CTNNA3: variants seen among roughly 807,000 people sequenced by gnomAD.
CTNNA3 encodes the protein catenin alpha 3, also known as catenin alpha-3.
Under a neutral mutation model 95.7 loss-of-function variants are expected in CTNNA3, and 76 were observed. That is an observed-to-expected ratio of 0.79 (90% CI 0.66 to 0.96). The LOEUF (loss-of-function observed/expected upper bound fraction) is 0.96. CTNNA3 is among the 40% of genes least tolerant of loss of function. The pLI, the probability that CTNNA3 is intolerant of heterozygous loss-of-function variation, is 0.00. For synonymous variants in CTNNA3, 431 were observed against 374.4 expected (o/e 1.15, Z -1.74); for missense variants, 1,191 against 1,089.8 (o/e 1.09, Z -1.31).
intron 15 of CTNNA3, among the ~76,000 whole-genome samples, chr10:66,056,381 C>A (rs2080088244): frequency 6.6e-6 from 1 of 151,920 alleles, no homozygotes; most frequent in Non-Finnish European, 1.5e-5. Flanking sequence ...GGAATGAATC[C>A]CTCTCAATGA....
At chr10:66,893,167 T>C (rs1429384019) in intron 7 of CTNNA3, among the ~76,000 whole-genome samples, 1 of 152,108 alleles carries the variant, frequency 6.6e-6, no homozygotes, top group Non-Finnish European at 1.5e-5. Flanking sequence ...GGTCCGTGCA[T>C]GCAGTTCTCT....
chr10:67,239,103 C>T (rs1318702701), intron 5 of CTNNA3, among the ~76,000 whole-genome samples: 1 of 152,156 alleles, frequency 6.6e-6, no homozygotes, highest in Non-Finnish European at 1.5e-5. Flanking sequence ...TAAACTATAA[C>T]TATCTTCACA....
chr10:66,612,650 C>G (rs1844367509), intron 10 of CTNNA3, among the ~76,000 whole-genome samples: 1 of 152,086 alleles, frequency 6.6e-6, no homozygotes, highest in Non-Finnish European at 1.5e-5. Context: ...GTGACTGTAT[C>G]ACACAACAAA....
chr10:67,671,172 G>A (rs1449431104), intron 1 of CTNNA3, among the ~76,000 whole-genome samples: 2 of 151,962 alleles, frequency 1.3e-5, no homozygotes, highest in Non-Finnish European at 2.9e-5. Flanking sequence ...CCAATGAGAC[G>A]GTAAAGCTTT....
chr10:65,988,901 G>T (rs746818582), intron 15 of CTNNA3, 104 bp from the exon 16 acceptor site: 75 of 716,224 alleles, frequency 1.0e-4, no homozygotes, highest in Non-Finnish European at 1.6e-4. Flanking sequence ...CCATCCATCC[G>T]CATATGTAAA....
chr10:66,672,602 T>A (rs1846703870), intron 9 of CTNNA3, among the ~76,000 whole-genome samples: 1 of 152,106 alleles, frequency 6.6e-6, no homozygotes, highest in South Asian at 2.1e-4. Flanking sequence ...AGGAAAGCTA[T>A]GGAAAAATAA....
intron 17 of CTNNA3, among the ~76,000 whole-genome samples, chr10:65,944,463 G>C (rs533081898): frequency 6.6e-6 from 1 of 152,200 alleles, no homozygotes; most frequent in African/African-American, 2.4e-5. Flanking sequence ...ACTGAAGATT[G>C]CTCTTCCTTC....
At chr10:66,114,538 T>G (rs1446258077) in intron 13 of CTNNA3, among the ~76,000 whole-genome samples, 2 of 151,742 alleles carry the variant, frequency 1.3e-5, no homozygotes, top group Admixed American at 6.6e-5. Context: ...TATTTAAAAC[T>G]CATATTGTCC....
At chr10:66,412,710 C>T (rs1004014975) in intron 11 of CTNNA3, among the ~76,000 whole-genome samples, 13 of 151,986 alleles carry the variant, frequency 8.6e-5, no homozygotes, top group East Asian at 1.9e-4. Context: ...CTGCCCGCTT[C>T]GGCCTCCCAA....
chr10:67,373,738 T>A (rs1385297423), intron 5 of CTNNA3, among the ~76,000 whole-genome samples: 1 of 152,224 alleles, frequency 6.6e-6, no homozygotes, highest in Non-Finnish European at 1.5e-5. Flanking sequence ...GAATCTATAT[T>A]TATGTTTTCT....
At chr10:66,088,265 A>G (rs1451376845) in intron 14 of CTNNA3, among the ~76,000 whole-genome samples, 5 of 152,034 alleles carry the variant, frequency 3.3e-5, no homozygotes, top group Admixed American at 6.6e-5. Flanking sequence ...GGCTACATAT[A>G]TATGTGTCAT....
intron 10 of CTNNA3, among the ~76,000 whole-genome samples, chr10:66,576,129 G>T (rs892541238): frequency 2.0e-5 from 3 of 152,004 alleles, no homozygotes; most frequent in Admixed American, 6.6e-5. Flanking sequence ...CACAGATGGT[G>T]GCATTAATAA....
chr10:67,305,526 T>C (rs1398002541), intron 5 of CTNNA3, among the ~76,000 whole-genome samples: 2 of 152,050 alleles, frequency 1.3e-5, no homozygotes, highest in African/African-American at 2.4e-5. Flanking sequence ...TAGAGAATCA[T>C]GGAAGAATTT....
chr10:66,286,468 A>T (rs2091590653), intron 12 of CTNNA3, among the ~76,000 whole-genome samples: 1 of 148,838 alleles, frequency 6.7e-6, no homozygotes, highest in African/African-American at 2.5e-5. Context: ...TCAAATCTTA[A>T]TTTCTTCACT....
chr10:66,482,060 A>G (rs1839557216), intron 11 of CTNNA3, among the ~76,000 whole-genome samples: 3 of 152,044 alleles, frequency 2.0e-5, no homozygotes, highest in African/African-American at 7.2e-5. Context: ...GTATTGGGGG[A>G]GGAAGATATA....
intron 7 of CTNNA3, among the ~76,000 whole-genome samples, chr10:67,112,280 CCTTTGG>C (rs1263767625): frequency 2.0e-5 from 3 of 151,904 alleles, no homozygotes; most frequent in Non-Finnish European, 4.4e-5. Flanking sequence ...TTTTAATGTT[CCTTTGG>C]CTTGGGGTGT....
chr10:67,199,262 G>C (rs1863522387), intron 6 of CTNNA3, among the ~76,000 whole-genome samples: 1 of 152,150 alleles, frequency 6.6e-6, no homozygotes, highest in East Asian at 1.9e-4. Flanking sequence ...AAGTGATAAA[G>C]GGATAACTGT....
rs1322780886 is a variant in CTNNA3, at chr10:67,235,933, G to A, written c.580-16063C>T. Among the ~76,000 whole-genome samples, 3 of 146,756 alleles carry A rather than the reference G, an allele frequency of 2.0e-5. 1 individual carries two copies. The highest frequency in any genetic ancestry group is 4.5e-5 in the Non-Finnish European group (3 of 67,044). On this transcript the variant is annotated intron_variant, in intron 5 of 17. Transcript: ENST00000433211. The stretch of plus-strand genomic sequence containing the variant: ...AAATGCTCACCATCACTGGCCATCA[G>A]AGAAATGCAAATCAAAACCACAATG...
intron 1 of CTNNA3, among the ~76,000 whole-genome samples, chr10:67,665,997 G>A (rs2133539650): frequency 6.6e-6 from 1 of 152,238 alleles, no homozygotes; most frequent in South Asian, 2.1e-4. Flanking sequence ...AAGCTTTCAG[G>A]TTACTTAAGA....
Sources: allele counts gnomAD v4.1 joint callset (sites outside exome capture counted in the v4.1 genomes callset), GRCh38; gene constraint gnomAD v4.1.1; transcripts MANE v1.5; gene names NCBI Gene and HGNC (gene_info 2026-07-23, HGNC 2026-07-21).